Variants in SIK3 observed in about 807,000 individuals in gnomAD.
SIK3 encodes the protein SIK family kinase 3.
A neutral mutation model predicts 144.2 loss-of-function variants in SIK3; 28 were observed. That is an observed-to-expected ratio of 0.19 (90% CI 0.14 to 0.27). The LOEUF (loss-of-function observed/expected upper bound fraction) is 0.27, where lower values mean the gene tolerates loss of function less well. Ranked by LOEUF, SIK3 falls within the 10% of genes least tolerant of loss-of-function variation. The pLI, the probability that SIK3 is intolerant of heterozygous loss-of-function variation, is 1.00. For missense variants in SIK3, 1,319 were observed against 1,776.0 expected, an observed-to-expected ratio of 0.74 and a Z score of 4.62; for synonymous variants, 686 against 676.3, an observed-to-expected ratio of 1.01 and a Z score of -0.22.
intron 1 of SIK3, among the ~76,000 whole-genome samples, chr11:117,020,221 G>T (rs947090980): frequency 2.0e-5 from 2 of 98,580 alleles, no homozygotes; most frequent in Non-Finnish European, 2.0e-5. Context: ...GGTGATATTT[G>T]TATGTGTATA....
intron 14 of SIK3, chr11:116,869,811 G>T: frequency 3.5e-6 from 1 of 286,618 alleles, no homozygotes; most frequent in Non-Finnish European, 6.9e-6. Context: ...ATCTGTCCCT[G>T]GCCCGAATCC....
At chr11:116,907,035 G>T (rs1946078361) in intron 4 of SIK3, among the ~76,000 whole-genome samples, 2 of 152,194 alleles carry the variant, frequency 1.3e-5, no homozygotes, top group Non-Finnish European at 2.9e-5. Context: ...TCTCTCCAGT[G>T]CAACAGTTTT....
intron 1 of SIK3, among the ~76,000 whole-genome samples, chr11:117,089,596 C>T (rs1293761847): frequency 2.6e-5 from 4 of 152,002 alleles, no homozygotes; most frequent in African/African-American, 9.7e-5. Context: ...CAAAAAATTC[C>T]GTCTCAAGAA....
intron 1 of SIK3, among the ~76,000 whole-genome samples, chr11:117,033,862 C>G (rs953127981): frequency 6.6e-6 from 1 of 151,922 alleles, no homozygotes; most frequent in African/African-American, 2.4e-5. Flanking sequence ...GAAACCAACA[C>G]CAACTGGTTC....
At chr11:116,955,554 C>T (rs1949108199) in intron 2 of SIK3, among the ~76,000 whole-genome samples, 1 of 152,168 alleles carries the variant, frequency 6.6e-6, no homozygotes, top group Admixed American at 6.5e-5. Flanking sequence ...TTGCAGAATT[C>T]AGTTACAAGG....
intron 1 of SIK3, among the ~76,000 whole-genome samples, chr11:116,981,830 T>C (rs1419846971): frequency 1.3e-5 from 2 of 152,126 alleles, no homozygotes; most frequent in Non-Finnish European, 2.9e-5. Flanking sequence ...CTGGGCAACA[T>C]AGCAAGACCC....
intron 1 of SIK3, among the ~76,000 whole-genome samples, chr11:117,085,115 T>C (rs77564847): frequency 0.056 from 8,584 of 152,068 alleles, 523 homozygotes; most frequent in African/African-American, 0.15. Context: ...TTCTCTCTCT[T>C]TTCTTTCTTT....
At position 116,849,235 on chromosome 11, in the gene SIK3, A is replaced by G. The variant is rs750250140; in HGVS notation, c.3704T>C (p.Val1235Ala). The change falls in exon 22 of 25, where the codon GTG becomes GCG. Residue 1235 changes from valine (V) to alanine (A), a missense_variant. Val to Ala is a moderately conservative substitution (Grantham distance 64, BLOSUM62 0). Around this residue, in one of 8 missense-constraint regions of SIK3, gnomAD observed 646 missense variants for 763.7 expected, o/e 0.85. Transcript: ENST00000445177. This position sits in a 1 kb window ranked among gnomAD's most constrained non-coding sequence, Gnocchi z 4.2. ...GAGCCCATTGTGATCCGGCAGCTCC[A>G]CTGCTTGTCCTGGAGAACTTCTATC... ...CMDRSSPGQA[V>A]ELPDHNGLGY... 3.8e-5 allele frequency: 61 copies of G among 1,614,068 alleles called. No individual in the cohort carries two copies. Among genetic ancestry groups the G allele is most frequent in the Admixed American group, 1.3e-4 (8 of 60,012 alleles).
chr11:117,002,825 A>G (rs1011047923), intron 1 of SIK3, among the ~76,000 whole-genome samples: 2 of 152,238 alleles, frequency 1.3e-5, no homozygotes, highest in African/African-American at 4.8e-5. Flanking sequence ...ATCTGAATTA[A>G]TAAGCAGAAA....
At chr11:117,053,823 T>C (rs1953381180) in intron 1 of SIK3, among the ~76,000 whole-genome samples, 1 of 152,128 alleles carries the variant, frequency 6.6e-6, no homozygotes, top group South Asian at 2.1e-4. Context: ...ATTTTTTTAG[T>C]TTTTGTAGAG....
chr11:116,881,708 GA>G (rs1325567137), intron 6 of SIK3, among the ~76,000 whole-genome samples: 4 of 151,884 alleles, frequency 2.6e-5, no homozygotes. Context: ...AAGATACATA[GA>G]AAAGAGTAAA....
intron 6 of SIK3, among the ~76,000 whole-genome samples, chr11:116,892,846 G>T (rs1945200614): frequency 6.6e-6 from 1 of 152,164 alleles, no homozygotes; most frequent in Admixed American, 6.5e-5. Context: ...GATAAAGGGT[G>T]GTACATCCAG....
chr11:116,982,418 A>G (rs1251302441), intron 1 of SIK3, among the ~76,000 whole-genome samples: 2 of 151,824 alleles, frequency 1.3e-5, no homozygotes, highest in East Asian at 2.0e-4. Flanking sequence ...CCTCCCGAGT[A>G]GCTGGGATTA....
At chr11:116,895,733 T>A (rs1945363591) in intron 6 of SIK3, among the ~76,000 whole-genome samples, 1 of 152,224 alleles carries the variant, frequency 6.6e-6, no homozygotes, top group Non-Finnish European at 1.5e-5. Flanking sequence ...TAAAATTTTT[T>A]AAATTTGATT....
At chr11:116,947,505 C>A (rs1948711008) in intron 3 of SIK3, among the ~76,000 whole-genome samples, 1 of 146,598 alleles carries the variant, frequency 6.8e-6, no homozygotes. Flanking sequence ...CCATTTTTTA[C>A]TTTAGCTAGG....
At chr11:116,961,240 C>T (rs1949338910) in intron 1 of SIK3, among the ~76,000 whole-genome samples, 1 of 152,166 alleles carries the variant, frequency 6.6e-6, no homozygotes, top group South Asian at 2.1e-4. Flanking sequence ...CTTACTGTTG[C>T]TTGGCAATGG....
intron 4 of SIK3, among the ~76,000 whole-genome samples, chr11:116,921,805 CCAGAAAGAAAA>C (rs1426296140): frequency 2.0e-5 from 3 of 152,202 alleles, no homozygotes; most frequent in Non-Finnish European, 4.4e-5. Context: ...AATTCTAAAA[CCAGAAAGAAAA>C]CAAAGTTATT....
At chr11:116,922,907 C>CTTTTTTTTTTTTTTTT (rs202058609) in intron 4 of SIK3, among the ~76,000 whole-genome samples, 3 of 102,174 alleles carry the variant, frequency 2.9e-5, no homozygotes, top group Non-Finnish European at 4.0e-5. Flanking sequence ...TTTCTTTTCT[C>CTTTTTTTTTTTTTTTT]TTTTTTTTTT....
rs1393482426 is a variant in SIK3, at chr11:116,875,961, G to C, written c.1144C>G (p.Leu382Val). ...TTATGTCTCTTATGTCGATCACACAGCAGGCTGTAGATTGCACTATAGTGA... is the reference window on the plus strand; with the variant it reads ...TTATGTCTCTTATGTCGATCACACACCAGGCTGTAGATTGCACTATAGTGA... ...YDHYSAIYSLLCDRHKRHKTL... is the reference protein window; with the variant it reads ...YDHYSAIYSLVCDRHKRHKTL... Residue 382 changes from leucine to valine, a missense_variant, in exon 9 of 25, where the codon CTG becomes GTG. Physicochemically the swap from Leu to Val is conservative, Grantham distance 32 (BLOSUM62 1). Around this residue, in one of 8 missense-constraint regions of SIK3, gnomAD observed 109 missense variants for 109.3 expected, o/e 1.00. Transcript: ENST00000445177. 6.2e-7 allele frequency: 1 copy of C among 1,613,662 alleles called. No homozygotes were observed. Among genetic ancestry groups the C allele is most frequent in the Non-Finnish European group, 8.5e-7 (1 of 1,179,894 alleles).
Sources: gnomAD v4.1 joint callset for allele counts (sites outside exome capture counted in the v4.1 genomes callset) on GRCh38, gnomAD v4.1.1 for gene constraint, gnomAD v4.1.1 regional missense constraint, Gnocchi (gnomAD v3.1) non-coding constraint, MANE v1.5 for transcripts, NCBI Gene and HGNC (gene_info 2026-07-23, HGNC 2026-07-21) for gene names.